Variants in CWC22 observed in about 807,000 individuals in gnomAD.
CWC22 encodes CWC22 spliceosome associated protein, also known as pre-mRNA-splicing factor CWC22 homolog.
A neutral mutation model predicts 117.2 loss-of-function variants in CWC22; 53 were observed. The ratio of observed to expected loss-of-function variants is 0.45; its 90% CI spans 0.36 to 0.57. CWC22 has a LOEUF of 0.57. Among genes scored for constraint, CWC22 ranks in the 20% least tolerant of loss-of-function variants. The pLI, the probability that CWC22 is intolerant of heterozygous loss-of-function variation, is 0.00. For missense variants in CWC22, 980 were observed against 1,068.8 expected (o/e 0.92, Z 1.16); for synonymous variants, 360 against 355.6 (o/e 1.01, Z -0.14).
At chr2:179,992,528 T>C (rs1194147606) in intron 2 of CWC22, among the ~76,000 whole-genome samples, 1 of 152,172 alleles carries the variant, frequency 6.6e-6, no homozygotes, top group Non-Finnish European at 1.5e-5. Context: ...CCCCTCAATG[T>C]TGAATCCCCC....
intron 4 of CWC22, 132 bp from the exon 5 acceptor site, chr2:179,982,129 G>A (rs1687302051): frequency 3.2e-6 from 2 of 618,610 alleles, no homozygotes; most frequent in Admixed American, 2.9e-5. Flanking sequence ...TTAGAATGGT[G>A]ACAAAGTGTT....
At chr2:179,991,060 TAC>T (rs1687554215) in intron 2 of CWC22, among the ~76,000 whole-genome samples, 1 of 152,194 alleles carries the variant, frequency 6.6e-6, no homozygotes. Context: ...GAAAATACTA[TAC>T]AGTCAGAATT....
At chr2:180,001,555 C>G (rs573238884) in intron 1 of CWC22, among the ~76,000 whole-genome samples, 1 of 152,298 alleles carries the variant, frequency 6.6e-6, no homozygotes, top group Admixed American at 6.5e-5. Context: ...GTCTCAAACT[C>G]CTGACCTCAA....
At chr2:179,954,905 T>C (rs754620333) in intron 15 of CWC22, 52 bp downstream of exon 15, 10 of 1,062,874 alleles carry the variant, frequency 9.4e-6, no homozygotes, top group Non-Finnish European at 1.4e-5. Flanking sequence ...GCAGAAATCA[T>C]TAATTTACAA....
chr2:179,986,183 G>T (rs4273187), intron 4 of CWC22, among the ~76,000 whole-genome samples: 98,975 of 151,902 alleles, frequency 0.65, 32,732 homozygotes, highest in Middle Eastern at 0.71. Context: ...GGAACAGGTG[G>T]GTAACCAAGT....
intron 2 of CWC22, among the ~76,000 whole-genome samples, chr2:179,992,045 G>A (rs1559296939): frequency 6.6e-6 from 1 of 152,174 alleles, no homozygotes; most frequent in African/African-American, 2.4e-5. Context: ...ACCTACTACA[G>A]GGCCTGCTGT....
At chr2:179,955,857 C>A (rs1186230272) in intron 14 of CWC22, among the ~76,000 whole-genome samples, 1 of 151,624 alleles carries the variant, frequency 6.6e-6, no homozygotes, top group Non-Finnish European at 1.5e-5. Flanking sequence ...ATAGCAATGT[C>A]ATAGATGAAA....
Position 179,945,498 on chromosome 2 carries a change from T to C in CWC22, c.2358A>G (p.Ser786=). 2.5e-6 allele frequency: 4 copies of C among 1,613,076 alleles called. No homozygotes were observed. The highest frequency in any genetic ancestry group is 2.2e-5 in the East Asian group (1 of 44,796). Residue 786 remains serine, a synonymous_variant, in exon 20 of 20, where the codon TCA becomes TCG. Coordinates refer to ENST00000410053, the MANE Select transcript of CWC22 (RefSeq NM_020943.3). ...TTCGTTCAGAAGGAACATCTTTGTC[T>C]GATGTGTACTTTGTTATAGGATCTC... The part of the protein sequence containing the change: ...NWRDPITKYT[S]DKDVPSERNN...
Position 179,964,558 on chromosome 2 carries a change from A to G in CWC22, c.1386T>C (p.Ala462=). ...ATATGATGCCTTACCTTGACTGAAT[A>G]GCAAGATAAATTGTACGACGAAATG... is the stretch of plus-strand genomic sequence containing the variant. The part of the protein sequence containing the change: ...LVSFRRTIYL[A]IQSSLDFEEC... The change falls in exon 13 of 20, where the codon GCT becomes GCC. Residue 462 remains alanine, a synonymous_variant. Transcript: ENST00000410053. 1.3e-6 allele frequency: 2 copies of G among 1,555,452 alleles called. No individual in the cohort carries two copies. The highest frequency in any genetic ancestry group is 1.8e-6 in the Non-Finnish European group (2 of 1,141,266).
At chr2:179,974,018 C>T (rs1032379806) in intron 6 of CWC22, among the ~76,000 whole-genome samples, 16 of 152,124 alleles carry the variant, frequency 1.1e-4, no homozygotes, top group African/African-American at 3.4e-4. Context: ...GAAGATTTTA[C>T]TGCAATTTAT....
intron 5 of CWC22, among the ~76,000 whole-genome samples, chr2:179,980,566 C>T (rs1429853153): frequency 6.6e-6 from 1 of 151,908 alleles, no homozygotes; most frequent in African/African-American, 2.4e-5. Context: ...TACAGGCACC[C>T]ACCACCACGC....
At chr2:179,979,855 A>G (rs1429598227) in intron 5 of CWC22, among the ~76,000 whole-genome samples, 2 of 152,186 alleles carry the variant, frequency 1.3e-5, no homozygotes, top group Non-Finnish European at 2.9e-5. Flanking sequence ...TATTAAACTA[A>G]TCAAACGGCT....
At chr2:179,957,704 C>A (rs976376861) in intron 14 of CWC22, among the ~76,000 whole-genome samples, 3 of 152,154 alleles carry the variant, frequency 2.0e-5, no homozygotes, top group Non-Finnish European at 4.4e-5. Flanking sequence ...AGAGCTGATA[C>A]ATTCACTCTG....
chr2:179,989,495 T>C (rs569397725), intron 2 of CWC22, among the ~76,000 whole-genome samples: 1 of 152,274 alleles, frequency 6.6e-6, no homozygotes, highest in South Asian at 2.1e-4. Flanking sequence ...ATTTTTGTTT[T>C]CAACAAACAT....
chr2:179,983,520 G>A (rs148106952), intron 4 of CWC22, among the ~76,000 whole-genome samples: 4 of 152,180 alleles, frequency 2.6e-5, no homozygotes, highest in Admixed American at 6.5e-5. Flanking sequence ...TCACTGATGG[G>A]CATTTAGGTA....
intron 1 of CWC22, among the ~76,000 whole-genome samples, chr2:179,998,963 T>C (rs541138476): frequency 1.3e-4 from 20 of 152,302 alleles, no homozygotes; most frequent in African/African-American, 4.6e-4. Flanking sequence ...CATATTTCAA[T>C]TTACATATTT....
chr2:180,001,273 C>T (rs1172464704), intron 1 of CWC22, among the ~76,000 whole-genome samples: 2 of 152,120 alleles, frequency 1.3e-5, no homozygotes, highest in East Asian at 3.9e-4. Context: ...CTGTCTCATC[C>T]CTACACAGCT....
chr2:179,975,255 T>C (rs1471740071), intron 6 of CWC22, among the ~76,000 whole-genome samples: 1 of 152,166 alleles, frequency 6.6e-6, no homozygotes, highest in African/African-American at 2.4e-5. Flanking sequence ...ATCTTTCCCA[T>C]TTCTCTCACA....
chr2:179,979,748 A>T (rs569890000), intron 5 of CWC22, among the ~76,000 whole-genome samples: 1 of 152,306 alleles, frequency 6.6e-6, no homozygotes, highest in Admixed American at 6.5e-5. Context: ...TCATAACTCC[A>T]ACCTTTTGGT....
Sources: gnomAD v4.1 joint callset for allele counts (sites outside exome capture counted in the v4.1 genomes callset) on GRCh38, gnomAD v4.1.1 for gene constraint, MANE v1.5 for transcripts, NCBI Gene and HGNC (gene_info 2026-07-23, HGNC 2026-07-21) for gene names.